PDE11A: variants seen among roughly 807,000 people sequenced by gnomAD.
PDE11A encodes phosphodiesterase 11A, also known as dual 3',5'-cyclic-AMP and -GMP phosphodiesterase 11A.
A neutral mutation model predicts 100.5 loss-of-function variants in PDE11A; 100 were observed. That is an observed-to-expected ratio of 1.00 (90% CI 0.85 to 1.18). The LOEUF (loss-of-function observed/expected upper bound fraction) is 1.18. Among genes scored for constraint, PDE11A ranks in the 50% most tolerant of loss-of-function variants. The probability of loss-of-function intolerance (pLI) is 0.00; values close to 1 mark genes in which losing one functional copy is unlikely to be tolerated. For synonymous variants in PDE11A, 381 were observed against 420.8 expected (o/e 0.91, Z 1.16); for missense variants, 1,141 against 1,152.6 (o/e 0.99, Z 0.15).
chr2:177,868,236 G>A (rs1459797383), intron 5 of PDE11A, among the ~76,000 whole-genome samples: 1 of 152,164 alleles, frequency 6.6e-6, no homozygotes, highest in Non-Finnish European at 1.5e-5. Flanking sequence ...TCACAGGGCT[G>A]TCTCATCTTA....
chr2:177,691,781 A>G (rs760113130), intron 15 of PDE11A, among the ~76,000 whole-genome samples: 3 of 151,966 alleles, frequency 2.0e-5, no homozygotes, highest in African/African-American at 4.8e-5. Context: ...CCCCTAACCC[A>G]TGCTTGGGGG....
chr2:178,024,079 G>T (rs567062368), intron 1 of PDE11A, among the ~76,000 whole-genome samples: 40 of 152,240 alleles, frequency 2.6e-4, no homozygotes, highest in Non-Finnish European at 4.7e-4. Flanking sequence ...CTGGCTGTTT[G>T]TCAGGGTAGG....
At chr2:177,669,459 G>T in intron 18 of PDE11A, 34 bp downstream of exon 18, 2 of 863,140 alleles carry the variant, frequency 2.3e-6, no homozygotes. Flanking sequence ...TCATTCAAAA[G>T]GGTAAATACG....
At chr2:177,763,509 AC>A (rs2082197644) in intron 10 of PDE11A, among the ~76,000 whole-genome samples, 1 of 152,190 alleles carries the variant, frequency 6.6e-6, no homozygotes, top group Non-Finnish European at 1.5e-5. Flanking sequence ...TCTTTCTGGT[AC>A]CCAGAAGTCC....
In PDE11A at chr2:178,072,205, G is replaced by C. The variant is rs1344402494; in HGVS notation, c.233C>G (p.Pro78Arg). The part of the protein sequence containing the change: ...GGSSVGGGTG[P>R]NGSAHSQPLP... Reference sequence around the variant, plus strand: ...GGGCTGGCTGTGGGCAGAGCCATTTGGTCCAGTGCCACCACCAACGCTGCT... The same window carrying C: ...GGGCTGGCTGTGGGCAGAGCCATTTCGTCCAGTGCCACCACCAACGCTGCT... The change falls in exon 1 of 20, where the codon CCA becomes CGA. Residue 78 changes from proline to arginine, a missense_variant. Coordinates refer to ENST00000286063, the MANE Select transcript of PDE11A (RefSeq NM_016953.4). 2.5e-6 allele frequency: 4 copies of C among 1,613,812 alleles called. No homozygotes were observed. The highest frequency in any genetic ancestry group is 3.4e-6 in the Non-Finnish European group (4 of 1,179,832).
chr2:177,956,632 T>G (rs2085566707), intron 2 of PDE11A, among the ~76,000 whole-genome samples: 1 of 152,232 alleles, frequency 6.6e-6, no homozygotes, highest in Admixed American at 6.5e-5. Flanking sequence ...GCGGCACTAT[T>G]CACAATAGCA....
Position 177,942,403 on chromosome 2 carries a change from A to ATTT in PDE11A, c.1072-37217_1072-37216insAAA, listed in dbSNP as rs1321007785. 2.8e-3 allele frequency among the ~76,000 whole-genome samples: 88 copies of ATTT among 31,914 alleles called. 1 individual carries two copies. The East Asian group carries it at 0.061, about 22-fold the overall frequency. 20.9% of individuals were successfully genotyped at this position (31,914 alleles called of 152,430 possible). On this transcript the variant is annotated intron_variant, in intron 2 of 19. Coordinates refer to ENST00000286063, the MANE Select transcript of PDE11A (RefSeq NM_016953.4). ...TCCATTGAAACCATTATTTTTTAAAATTATTTTTTTTTTTTTGAGACAGAG... is the reference window on the plus strand; with the variant it reads ...TCCATTGAAACCATTATTTTTTAAAATTTTTATTTTTTTTTTTTTGAGACAGAG...
At chr2:177,714,112 G>A (rs1227750637) in intron 12 of PDE11A, among the ~76,000 whole-genome samples, 1 of 142,452 alleles carries the variant, frequency 7.0e-6, no homozygotes. Context: ...TCCTGCCTCA[G>A]CCTCCTGAGT....
At chr2:177,835,330 G>GT (rs1434140460) in intron 6 of PDE11A, among the ~76,000 whole-genome samples, 1 of 152,012 alleles carries the variant, frequency 6.6e-6, no homozygotes, top group African/African-American at 2.4e-5. Context: ...GAGGCAGGGG[G>GT]GCTCCTTAGA....
chr2:177,966,739 G>A (rs1361305521), intron 2 of PDE11A, among the ~76,000 whole-genome samples: 4 of 152,108 alleles, frequency 2.6e-5, no homozygotes, highest in Admixed American at 6.5e-5. Context: ...TTTGACATAC[G>A]GCTAGATTCA....
chr2:178,031,836 G>A (rs1307350672), intron 1 of PDE11A, among the ~76,000 whole-genome samples: 2 of 152,036 alleles, frequency 1.3e-5, no homozygotes, highest in African/African-American at 4.8e-5. Flanking sequence ...AAACTGACAT[G>A]AAAGAATAAA....
intron 1 of PDE11A, among the ~76,000 whole-genome samples, chr2:178,015,525 C>A (rs148176252): frequency 7.9e-5 from 12 of 152,022 alleles, no homozygotes; most frequent in Non-Finnish European, 1.6e-4. Flanking sequence ...AATATGTGAT[C>A]CTTTACTAGA....
At chr2:178,036,204 A>G (rs930709210) in intron 1 of PDE11A, among the ~76,000 whole-genome samples, 1 of 152,236 alleles carries the variant, frequency 6.6e-6, no homozygotes, top group Non-Finnish European at 1.5e-5. Context: ...GTGTTCAAAA[A>G]TCACAAGCAT....
At chr2:178,060,698 T>G (rs2086957654) in intron 1 of PDE11A, among the ~76,000 whole-genome samples, 1 of 152,202 alleles carries the variant, frequency 6.6e-6, no homozygotes, top group African/African-American at 2.4e-5. Context: ...ACTGAGATTC[T>G]GTTGAATAAA....
chr2:178,017,245 A>C (rs1297939003), intron 1 of PDE11A, among the ~76,000 whole-genome samples: 1 of 152,276 alleles, frequency 6.6e-6, no homozygotes, highest in Non-Finnish European at 1.5e-5. Context: ...AATATATAGA[A>C]GAGAGGTACA....
At chr2:178,016,273 G>T (rs924590898) in intron 1 of PDE11A, among the ~76,000 whole-genome samples, 7 of 150,740 alleles carry the variant, frequency 4.6e-5, no homozygotes, top group Non-Finnish European at 1.0e-4. Context: ...GTGACCCACA[G>T]TGCCCGGCCA....
At chr2:177,980,510 T>A (rs1185758859) in intron 2 of PDE11A, among the ~76,000 whole-genome samples, 1 of 150,882 alleles carries the variant, frequency 6.6e-6, no homozygotes, top group East Asian at 1.9e-4. Context: ...AATGATTGGG[T>A]TATTCTCACT....
At chr2:178,027,718 C>T (rs1197045479) in intron 1 of PDE11A, among the ~76,000 whole-genome samples, 7 of 151,976 alleles carry the variant, frequency 4.6e-5, no homozygotes, top group Admixed American at 3.9e-4. Context: ...GGTGGTATTG[C>T]CTGAAAATCA....
At chr2:178,104,265 G>A (rs1446300156) in intron 2 of PDE11A, 3 of 1,576,834 alleles carry the variant, frequency 1.9e-6, no homozygotes, top group Non-Finnish European at 2.6e-6. Flanking sequence ...CTTTCCTACA[G>A]TGTATCTGGT....
Sources: gnomAD v4.1 joint callset for allele counts (sites outside exome capture counted in the v4.1 genomes callset) on GRCh38, gnomAD v4.1.1 for gene constraint, MANE v1.5 for transcripts, NCBI Gene and HGNC (gene_info 2026-07-23, HGNC 2026-07-21) for gene names.